ZFHX3: variants seen among roughly 807,000 people sequenced by gnomAD.
The protein encoded by ZFHX3 is zinc finger homeobox protein 3.
A neutral mutation model predicts 279.1 loss-of-function variants in ZFHX3; 42 were observed. The observed-to-expected ratio is 0.15, with a 90% CI of 0.12 to 0.19. The LOEUF is 0.19. Ranked by LOEUF, ZFHX3 falls within the 10% of genes least tolerant of loss-of-function variation. The probability of loss-of-function intolerance (pLI) is 1.00; values close to 1 mark genes in which losing one functional copy is unlikely to be tolerated. For missense variants in ZFHX3, 4,981 were observed against 4,754.0 expected (o/e 1.05, Z -1.40); for synonymous variants, 2,293 against 1,957.8 (o/e 1.17, Z -4.52).
intron 1 of ZFHX3, among the ~76,000 whole-genome samples, chr16:73,856,057 G>GA (rs928528994): frequency 6.6e-6 from 1 of 152,106 alleles, no homozygotes; most frequent in African/African-American, 2.4e-5. Flanking sequence ...TAGTACCATG[G>GA]AAAAATGTTT....
intron 4 of ZFHX3, among the ~76,000 whole-genome samples, chr16:72,863,942 C>G (rs1311879845): frequency 1.3e-5 from 2 of 152,042 alleles, no homozygotes; most frequent in Non-Finnish European, 2.9e-5. Context: ...TGGTGAAACC[C>G]CGTCTCTACT....
intron 3 of ZFHX3, among the ~76,000 whole-genome samples, chr16:73,392,180 G>C (rs1732803734): frequency 6.6e-6 from 1 of 151,998 alleles, no homozygotes; most frequent in Non-Finnish European, 1.5e-5. Flanking sequence ...AGCACTTTGG[G>C]AGGCTGAGGT....
intron 1 of ZFHX3, among the ~76,000 whole-genome samples, chr16:73,797,654 C>G (rs1018277059): frequency 6.6e-6 from 1 of 152,134 alleles, no homozygotes; most frequent in Non-Finnish European, 1.5e-5. Context: ...TGGATCTACA[C>G]TGGTACGGTG....
Position 72,958,394 on chromosome 16 carries a change from G to A in ZFHX3, c.1752C>T (p.Gly584=), listed in dbSNP as rs763097959. 1.1e-5 allele frequency: 18 copies of A among 1,614,022 alleles called. No individual in the cohort carries two copies. The highest frequency in any genetic ancestry group is 8.9e-5 in the East Asian group (4 of 44,882). ...SEGVRANVAE[G]GRRLDFADES... is the part of the protein sequence containing the mutation. ...CGTCAGCGAAGTCCAGCCTCCTGCC[G>A]CCCTCTGCCACATTGGCCCTGACGC... The change falls in exon 2 of 10, where the codon GGC becomes GGT. Residue 584 remains glycine, a synonymous_variant. Coordinates refer to ENST00000268489, the MANE Select transcript of ZFHX3 (RefSeq NM_006885.4).
chr16:73,263,847 A>G (rs574778649), intron 4 of ZFHX3, among the ~76,000 whole-genome samples: 1 of 152,344 alleles, frequency 6.6e-6, no homozygotes, highest in East Asian at 1.9e-4. Flanking sequence ...GTGCTAAGCA[A>G]CAGGGAAAGA....
At chr16:73,579,915 AGT>A (rs2143821626) in intron 2 of ZFHX3, among the ~76,000 whole-genome samples, 2 of 146,942 alleles carry the variant, frequency 1.4e-5, no homozygotes, top group South Asian at 4.2e-4. Flanking sequence ...TGTATTATAA[AGT>A]ATAATGTATA....
rs757555794 is a variant in ZFHX3 at position 72,957,785 on chromosome 16, A to G, written c.2361T>C (p.Ser787=). The change falls in exon 2 of 10, where the codon AGT becomes AGC. Residue 787 remains serine (S), a synonymous_variant. Coordinates refer to ENST00000268489, the MANE Select transcript of ZFHX3 (RefSeq NM_006885.4). ...VAAAAAAANI[S]SSCGAPSPTK... is the part of the protein sequence containing the mutation. The stretch of plus-strand genomic sequence containing the variant: ...TCGGCGAGGGGGCCCCGCAGGAGCT[A>G]CTGATATTGGCTGCCGCCGCCGCCG... The G allele has an allele frequency of 1.2e-6, 2 of 1,613,802 alleles. No homozygotes were observed. Among genetic ancestry groups the G allele is most frequent in the South Asian group, 2.2e-5 (2 of 91,080 alleles).
At chr16:72,952,244 C>T (rs1961034695) in intron 2 of ZFHX3, among the ~76,000 whole-genome samples, 1 of 152,122 alleles carries the variant, frequency 6.6e-6, no homozygotes, top group African/African-American at 2.4e-5. Context: ...GTCTCAAAAA[C>T]AAAACAAAAC....
At chr16:73,471,086 CT>C (rs1271903572) in intron 2 of ZFHX3, among the ~76,000 whole-genome samples, 1 of 152,098 alleles carries the variant, frequency 6.6e-6, no homozygotes, top group Non-Finnish European at 1.5e-5. Flanking sequence ...TAATGTAGCA[CT>C]TAATGTCTAA....
At chr16:72,893,493 A>T (rs971491830) in intron 3 of ZFHX3, among the ~76,000 whole-genome samples, 1 of 152,234 alleles carries the variant, frequency 6.6e-6, no homozygotes, top group Non-Finnish European at 1.5e-5. Flanking sequence ...GGGTCATAGG[A>T]CCGTATAAAC....
intron 2 of ZFHX3, among the ~76,000 whole-genome samples, chr16:73,661,424 T>C (rs1256676427): frequency 6.6e-6 from 1 of 152,156 alleles, no homozygotes; most frequent in Non-Finnish European, 1.5e-5. Flanking sequence ...CACAGATTTT[T>C]AATAAAGGAT....
chr16:73,235,634 A>T (rs1009517223), intron 5 of ZFHX3, among the ~76,000 whole-genome samples: 1 of 152,018 alleles, frequency 6.6e-6, no homozygotes, highest in Non-Finnish European at 1.5e-5. Flanking sequence ...CCACTGTTCC[A>T]AGAGGTGGTA....
intron 1 of ZFHX3, among the ~76,000 whole-genome samples, chr16:73,867,814 G>A (rs1962066424): frequency 6.6e-6 from 1 of 152,316 alleles, no homozygotes; most frequent in South Asian, 2.1e-4. Context: ...TGTCATTTGA[G>A]AATTGGCAGC....
At chr16:73,339,994 A>G (rs2016000294) in intron 3 of ZFHX3, among the ~76,000 whole-genome samples, 1 of 152,352 alleles carries the variant, frequency 6.6e-6, no homozygotes, top group Non-Finnish European at 1.5e-5. Flanking sequence ...TTGGGCCAGA[A>G]AGCAGCAGCC....
chr16:73,786,744 G>A (rs1238614762), intron 1 of ZFHX3, among the ~76,000 whole-genome samples: 2 of 152,188 alleles, frequency 1.3e-5, no homozygotes, highest in Admixed American at 6.5e-5. Flanking sequence ...CCAGGCTTCT[G>A]ATGAATTTAG....
At chr16:72,963,093 G>A (rs530268495) in intron 1 of ZFHX3, among the ~76,000 whole-genome samples, 4 of 152,254 alleles carry the variant, frequency 2.6e-5, no homozygotes, top group South Asian at 2.1e-4. Context: ...ACGGTTTCCC[G>A]TAAAATCAAT....
At chr16:73,347,542 G>A (rs140270837) in intron 3 of ZFHX3, among the ~76,000 whole-genome samples, 1 of 152,350 alleles carries the variant, frequency 6.6e-6, no homozygotes, top group East Asian at 1.9e-4. Flanking sequence ...CCAGGAGCAG[G>A]GAGGCTCAGT....
intron 1 of ZFHX3, among the ~76,000 whole-genome samples, chr16:72,994,698 C>T (rs1963215959): frequency 1.3e-5 from 2 of 152,254 alleles, no homozygotes; most frequent in South Asian, 4.1e-4. Flanking sequence ...TGCCTCCTAA[C>T]ACTTGTTTGT....
At chr16:72,870,148 T>C (rs941133872) in intron 4 of ZFHX3, among the ~76,000 whole-genome samples, 3 of 152,130 alleles carry the variant, frequency 2.0e-5, no homozygotes, top group South Asian at 2.1e-4. Flanking sequence ...TCCCAGCACT[T>C]TGGGAGGCCA....
Sources: allele counts gnomAD v4.1 joint callset (sites outside exome capture counted in the v4.1 genomes callset), GRCh38; gene constraint gnomAD v4.1.1; transcripts MANE v1.5; gene names NCBI Gene and HGNC (gene_info 2026-07-23, HGNC 2026-07-21).